The following ROBO2 variants were observed in gnomAD, a reference collection of about 807,000 sequenced individuals.
ROBO2 encodes the protein roundabout guidance receptor 2, also known as roundabout homolog 2.
In ROBO2, 53 loss-of-function variants were observed where a neutral mutation model predicts 160.8. That is an observed-to-expected ratio of 0.33 (90% CI 0.26 to 0.41). The LOEUF is 0.41. ROBO2 is among the 10% of genes least tolerant of loss of function. The pLI is 1.00. For missense variants in ROBO2, 1,577 were observed against 1,722.4 expected (o/e 0.92, Z 1.49); for synonymous variants, 664 against 611.7 (o/e 1.09, Z -1.26).
chr3:76,379,551 A>G (rs1184740843), intron 2 of ROBO2, among the ~76,000 whole-genome samples: 1 of 152,182 alleles, frequency 6.6e-6, no homozygotes, highest in African/African-American at 2.4e-5. Flanking sequence ...TGAAACGTAA[A>G]TTAAACCAGC....
At chr3:76,946,254 A>G (rs1281048143) in intron 2 of ROBO2, among the ~76,000 whole-genome samples, 1 of 152,084 alleles carries the variant, frequency 6.6e-6, no homozygotes, top group Non-Finnish European at 1.5e-5. Context: ...AACTATCCCC[A>G]GTCTTGTCTG....
chr3:76,040,929 C>A (rs2067254439), intron 2 of ROBO2, among the ~76,000 whole-genome samples: 1 of 151,982 alleles, frequency 6.6e-6, no homozygotes, highest in South Asian at 2.1e-4. Flanking sequence ...GGGGAGGTTG[C>A]AGTGAGCTGA....
intron 19 of ROBO2, among the ~76,000 whole-genome samples, chr3:77,600,115 G>C (rs540377974): frequency 1.3e-5 from 2 of 152,278 alleles, no homozygotes; most frequent in East Asian, 3.9e-4. Context: ...CTGGTAGGTG[G>C]GGACTGCTAT....
chr3:76,190,679 A>C (rs1701967203), intron 2 of ROBO2, among the ~76,000 whole-genome samples: 1 of 152,090 alleles, frequency 6.6e-6, no homozygotes, highest in Admixed American at 6.6e-5. Flanking sequence ...AACATTGAAG[A>C]TACAAACTAC....
intron 2 of ROBO2, among the ~76,000 whole-genome samples, chr3:76,610,931 A>G (rs1194969404): frequency 1.3e-5 from 2 of 152,196 alleles, no homozygotes; most frequent in African/African-American, 4.8e-5. Flanking sequence ...AGAGTGAATA[A>G]GGCAGATAAT....
chr3:76,056,106 A>G (rs2067835997), intron 2 of ROBO2, among the ~76,000 whole-genome samples: 2 of 152,260 alleles, frequency 1.3e-5, no homozygotes, highest in Non-Finnish European at 2.9e-5. Context: ...AATAATACAA[A>G]TGAAAAACAA....
chr3:76,397,553 G>GA (rs1241652537), intron 2 of ROBO2, among the ~76,000 whole-genome samples: 1 of 151,580 alleles, frequency 6.6e-6, no homozygotes, highest in Non-Finnish European at 1.5e-5. Flanking sequence ...CAAAATGGGA[G>GA]AAAATTTTCG....
intron 2 of ROBO2, among the ~76,000 whole-genome samples, chr3:76,394,434 A>G (rs1449847130): frequency 6.6e-6 from 1 of 152,064 alleles, no homozygotes; most frequent in Admixed American, 6.6e-5. Context: ...TTCTTTAAGA[A>G]TGTTGAATAT....
intron 2 of ROBO2, among the ~76,000 whole-genome samples, chr3:76,166,248 G>A (rs140221043): frequency 3.7e-4 from 57 of 152,146 alleles, no homozygotes; most frequent in African/African-American, 1.3e-3. Context: ...TTTGGTTTTG[G>A]TATCCTTTTT....
intron 1 of ROBO2, among the ~76,000 whole-genome samples, chr3:77,076,589 T>G (rs2149884742): frequency 6.6e-6 from 1 of 152,260 alleles, no homozygotes; most frequent in Non-Finnish European, 1.5e-5. Flanking sequence ...ATAAATTATT[T>G]CAAACTCAAA....
intron 2 of ROBO2, among the ~76,000 whole-genome samples, chr3:76,283,387 C>A (rs1708347035): frequency 6.6e-6 from 1 of 151,476 alleles, no homozygotes; most frequent in Admixed American, 6.6e-5. Flanking sequence ...TCCTGTTCTC[C>A]AAACTTTAGG....
intron 2 of ROBO2, among the ~76,000 whole-genome samples, chr3:76,559,091 CAT>C (rs1417758416): frequency 2.6e-5 from 4 of 152,096 alleles, no homozygotes; most frequent in Non-Finnish European, 2.9e-5. Flanking sequence ...ATTCTATAGA[CAT>C]ATGCAATTCT....
intron 1 of ROBO2, among the ~76,000 whole-genome samples, chr3:75,917,339 C>T (rs1946854668): frequency 6.6e-6 from 1 of 152,156 alleles, no homozygotes; most frequent in Non-Finnish European, 1.5e-5. Flanking sequence ...GTTCCAGCTT[C>T]ATCCATGTCC....
chr3:77,084,576 T>C (rs901264414), intron 1 of ROBO2, among the ~76,000 whole-genome samples: 2 of 152,124 alleles, frequency 1.3e-5, no homozygotes, highest in African/African-American at 2.4e-5. Context: ...CAAGAAAGCA[T>C]TGCATTTCGA....
intron 2 of ROBO2, among the ~76,000 whole-genome samples, chr3:76,342,382 T>C (rs1018359745): frequency 1.3e-5 from 2 of 152,084 alleles, no homozygotes; most frequent in Non-Finnish European, 2.9e-5. Context: ...CATGCCTGAG[T>C]GTTTCAATCC....
chr3:76,366,711 A>T (rs145915614), intron 2 of ROBO2, among the ~76,000 whole-genome samples: 1 of 152,010 alleles, frequency 6.6e-6, no homozygotes, highest in Non-Finnish European at 1.5e-5. Flanking sequence ...GTTTTCTCAG[A>T]TATTTATAGT....
intron 2 of ROBO2, among the ~76,000 whole-genome samples, chr3:76,030,946 A>G (rs2066899048): frequency 6.6e-6 from 1 of 152,156 alleles, no homozygotes; most frequent in African/African-American, 2.4e-5. Flanking sequence ...GAATCTATAA[A>G]TTACCTTGGG....
chr3:77,394,013 G>C lies in ROBO2; in HGVS notation c.389-83401G>C, dbSNP rs376831644. 5.3e-5 allele frequency among the ~76,000 whole-genome samples: 8 copies of C among 152,132 alleles called. No homozygotes were observed. The East Asian group carries it at 1.5e-3, about 29-fold the overall frequency. ...CAACAGATTTTGTTTTTATGTGTGC[G>C]GCCTCTCCTTATAGAGTGAACCCTC... On this transcript the variant is annotated intron_variant, in intron 2 of 25. Transcript: ENST00000461745.
At chr3:76,871,070 C>G (rs144751666) in intron 2 of ROBO2, among the ~76,000 whole-genome samples, 15 of 152,290 alleles carry the variant, frequency 9.8e-5, no homozygotes, top group South Asian at 4.1e-4. Context: ...TGAAATTATA[C>G]ATAACGTAGT....
Sources: allele counts gnomAD v4.1 joint callset (sites outside exome capture counted in the v4.1 genomes callset), GRCh38; gene constraint gnomAD v4.1.1; transcripts MANE v1.5; gene names NCBI Gene and HGNC (gene_info 2026-07-23, HGNC 2026-07-21).